Variants in EXT1 observed in about 807,000 individuals in gnomAD.
EXT1 encodes the protein exostosin glycosyltransferase 1, also known as exostosin-1.
In EXT1, 20 loss-of-function variants were observed where a neutral mutation model predicts 82.5. The ratio of observed to expected loss-of-function variants is 0.24; its 90% CI spans 0.17 to 0.35. EXT1 has a LOEUF of 0.35. Ranked by LOEUF, EXT1 falls within the 10% of genes least tolerant of loss-of-function variation. The pLI is 1.00. For missense variants in EXT1, 757 were observed against 936.5 expected (o/e 0.81, Z 2.50); for synonymous variants, 348 against 350.8 (o/e 0.99, Z 0.09).
chr8:117,823,885 A>G (rs1363369004), intron 4 of EXT1, among the ~76,000 whole-genome samples: 1 of 152,202 alleles, frequency 6.6e-6, no homozygotes, highest in Non-Finnish European at 1.5e-5. Flanking sequence ...TTAGGAACCT[A>G]GTGAAAATAT....
chr8:118,002,554 CAG>C (rs61394953), intron 1 of EXT1, among the ~76,000 whole-genome samples: 59,436 of 121,672 alleles, frequency 0.49, 14,022 homozygotes, highest in African/African-American at 0.6. Flanking sequence ...TTTTTTGAGA[CAG>C]AGTCTTGCTC....
chr8:117,887,673 T>C (rs1489098598), intron 1 of EXT1, among the ~76,000 whole-genome samples: 2 of 108,454 alleles, frequency 1.8e-5, no homozygotes, highest in Admixed American at 2.2e-4. Context: ...TTTCTATTCA[T>C]TAGTTTCTCT....
intron 1 of EXT1, among the ~76,000 whole-genome samples, chr8:117,900,531 C>T (rs1813423313): frequency 2.6e-5 from 4 of 152,186 alleles, no homozygotes; most frequent in Admixed American, 2.0e-4. Flanking sequence ...GGCTGCTGAC[C>T]ACCCCAAGTC....
At chr8:118,002,591 G>A (rs1426159419) in intron 1 of EXT1, among the ~76,000 whole-genome samples, 2 of 144,172 alleles carry the variant, frequency 1.4e-5, no homozygotes, top group Non-Finnish European at 3.0e-5. Flanking sequence ...GAGCGCAGTG[G>A]TGCGATCTCA....
rs1165193119 is a variant in EXT1 at position 117,862,638 on chromosome 8, A to T, written c.963-25437T>A. Among the ~76,000 whole-genome samples, 2 of 145,526 alleles carry T rather than the reference A, an allele frequency of 1.4e-5. 1 individual carries two copies. Among genetic ancestry groups the T allele is most frequent in the Non-Finnish European group, 3.1e-5 (2 of 64,788 alleles). On this transcript the variant is annotated intron_variant, in intron 1 of 10. Coordinates refer to ENST00000378204, the MANE Select transcript of EXT1 (RefSeq NM_000127.3). ...TGTTAGATCTACAAAGGGGAATTAG[A>T]CAGGAATGGGATGTGGTCCGTGGAG...
At chr8:117,805,279 T>C (rs1237034035) in intron 9 of EXT1, among the ~76,000 whole-genome samples, 2 of 152,204 alleles carry the variant, frequency 1.3e-5, no homozygotes, top group African/African-American at 4.8e-5. Flanking sequence ...GATAAGTTAT[T>C]TACACATGAT....
intron 1 of EXT1, among the ~76,000 whole-genome samples, chr8:118,040,300 G>A (rs1816505764): frequency 6.6e-6 from 1 of 152,138 alleles, no homozygotes; most frequent in Non-Finnish European, 1.5e-5. Flanking sequence ...TTAAAGTGAT[G>A]AAAAGTTGTA....
chr8:117,981,796 T>G (rs1563620228), intron 1 of EXT1, among the ~76,000 whole-genome samples: 2 of 151,604 alleles, frequency 1.3e-5, no homozygotes, highest in South Asian at 2.1e-4. Context: ...GAGAATCACT[T>G]GAATCTGGGA....
intron 1 of EXT1, among the ~76,000 whole-genome samples, chr8:117,873,230 G>A (rs892733018): frequency 1.3e-5 from 2 of 152,134 alleles, no homozygotes; most frequent in Non-Finnish European, 2.9e-5. Flanking sequence ...CTCCACAACT[G>A]TGAAAAATAA....
At chr8:117,825,785 A>G (rs1279096268) in intron 4 of EXT1, among the ~76,000 whole-genome samples, 1 of 152,220 alleles carries the variant, frequency 6.6e-6, no homozygotes, top group Non-Finnish European at 1.5e-5. Flanking sequence ...ATATCATTGT[A>G]TGATAGCATC....
chr8:118,056,575 G>C, intron 1 of EXT1, among the ~76,000 whole-genome samples: 1 of 152,074 alleles, frequency 6.6e-6, no homozygotes, highest in East Asian at 1.9e-4. Context: ...AAAAGGGACC[G>C]TTTGAAAGAG....
intron 1 of EXT1, among the ~76,000 whole-genome samples, chr8:118,097,760 A>G (rs1033809133): frequency 1.9e-4 from 29 of 152,218 alleles, no homozygotes; most frequent in African/African-American, 3.1e-4. Context: ...TAGGCACTCA[A>G]TAAGTATCTG....
chr8:118,075,831 A>G (rs1232092648), intron 1 of EXT1, among the ~76,000 whole-genome samples: 1 of 152,110 alleles, frequency 6.6e-6, no homozygotes, highest in Non-Finnish European at 1.5e-5. Flanking sequence ...GTTTGAAACA[A>G]TGGGATCTCA....
intron 1 of EXT1, among the ~76,000 whole-genome samples, chr8:117,954,015 C>T (rs1814542898): frequency 6.6e-6 from 1 of 152,168 alleles, no homozygotes; most frequent in African/African-American, 2.4e-5. Flanking sequence ...TTAACTCATC[C>T]GGTTCTCACA....
intron 1 of EXT1, among the ~76,000 whole-genome samples, chr8:118,004,143 G>A (rs988446317): frequency 6.6e-6 from 1 of 152,112 alleles, no homozygotes; most frequent in East Asian, 1.9e-4. Flanking sequence ...TACAATAATC[G>A]TCAAGTGAAA....
chr8:117,865,568 G>A lies in EXT1; in HGVS notation c.963-28367C>T, dbSNP rs561853826. On this transcript the variant is annotated intron_variant, in intron 1 of 10. Coordinates refer to ENST00000378204, the MANE Select transcript of EXT1 (RefSeq NM_000127.3). Reference sequence around the variant, plus strand: ...CTTCATCCTTCTTGTAACCTGGGGGGCCTGGAGAATTTCACACTCATTGTT... The same window carrying A: ...CTTCATCCTTCTTGTAACCTGGGGGACCTGGAGAATTTCACACTCATTGTT... Among the ~76,000 whole-genome samples the A allele has an allele frequency of 1.9e-4, 29 of 152,246 alleles. No individual in the cohort carries two copies. The South Asian group carries it at 5.6e-3, about 29-fold the overall frequency.
At chr8:117,848,105 C>A (rs896907415) in intron 1 of EXT1, among the ~76,000 whole-genome samples, 2 of 152,138 alleles carry the variant, frequency 1.3e-5, no homozygotes, top group Non-Finnish European at 2.9e-5. Flanking sequence ...TCTAGAACAC[C>A]CAACTTACTA....
chr8:117,824,659 C>T (rs1450599697), intron 4 of EXT1, among the ~76,000 whole-genome samples: 2 of 152,118 alleles, frequency 1.3e-5, no homozygotes, highest in Non-Finnish European at 2.9e-5. Context: ...GTTTTCTAGG[C>T]ATTGGTTTTT....
chr8:117,812,851 T>TC (rs1345636939), intron 8 of EXT1, 21 bp downstream of exon 8: 2 of 1,610,516 alleles, frequency 1.2e-6, no homozygotes, highest in East Asian at 4.5e-5. Context: ...CACCTGCTGC[T>TC]CCTCAGGCAT....
Sources: gnomAD v4.1 joint callset for allele counts (sites outside exome capture counted in the v4.1 genomes callset) on GRCh38, gnomAD v4.1.1 for gene constraint, MANE v1.5 for transcripts, NCBI Gene and HGNC (gene_info 2026-07-23, HGNC 2026-07-21) for gene names.